Variants in CEP192 observed in about 807,000 individuals in gnomAD.
CEP192 encodes centrosomal protein 192.
Under a neutral mutation model 271.8 loss-of-function variants are expected in CEP192, and 151 were observed. That is an observed-to-expected ratio of 0.56 (90% CI 0.49 to 0.64). CEP192 has a LOEUF of 0.64. CEP192 is among the 30% of genes least tolerant of loss of function. The probability of loss-of-function intolerance (pLI) is 0.00; values close to 1 mark genes in which losing one functional copy is unlikely to be tolerated. For synonymous variants in CEP192, 995 were observed against 1,076.5 expected, an observed-to-expected ratio of 0.92 and a Z score of 1.48; for missense variants, 2,910 against 3,020.5, an observed-to-expected ratio of 0.96 and a Z score of 0.86.
intron 18 of CEP192, 100 bp downstream of exon 18, chr18:13,053,190 GTGT>G: frequency 1.1e-6 from 1 of 949,542 alleles, no homozygotes. Flanking sequence ...TATAACTTCA[GTGT>G]TGCTCTTTTA....
intron 3 of CEP192, among the ~76,000 whole-genome samples, chr18:13,004,608 A>G (rs1006474562): frequency 1.7e-4 from 26 of 152,294 alleles, no homozygotes; most frequent in African/African-American, 5.8e-4. Context: ...TAGGAAGCAT[A>G]GTCATCAAGT....
intron 44 of CEP192, among the ~76,000 whole-genome samples, chr18:13,121,935 T>G (rs1282851084): frequency 6.6e-6 from 1 of 152,274 alleles, no homozygotes; most frequent in Non-Finnish European, 1.5e-5. Flanking sequence ...TCTTTGATAA[T>G]GGTGGTACCT....
chr18:13,107,783 C>T (rs2040022697), intron 40 of CEP192, among the ~76,000 whole-genome samples: 1 of 150,956 alleles, frequency 6.6e-6, no homozygotes, highest in Admixed American at 6.6e-5. Flanking sequence ...ATGGAGCAAA[C>T]AGCACTGTGA....
intron 15 of CEP192, among the ~76,000 whole-genome samples, chr18:13,047,066 G>C (rs2036524160): frequency 6.6e-6 from 1 of 151,864 alleles, no homozygotes; most frequent in African/African-American, 2.4e-5. Context: ...GATGTGGTTG[G>C]GTAGCTTTTG....
At chr18:13,019,851 A>T (rs2034883394) in intron 9 of CEP192, among the ~76,000 whole-genome samples, 1 of 150,626 alleles carries the variant, frequency 6.6e-6, no homozygotes, top group Non-Finnish European at 1.5e-5. Context: ...AGACAGTCTC[A>T]CTCTGTCACC....
At chr18:13,047,724 T>G (rs1191809880) in intron 15 of CEP192, among the ~76,000 whole-genome samples, 1 of 152,194 alleles carries the variant, frequency 6.6e-6, no homozygotes, top group Non-Finnish European at 1.5e-5. Context: ...GTTAAATAGT[T>G]TATGTTTCTT....
chr18:13,088,105 G>T (rs1021049940), intron 32 of CEP192, among the ~76,000 whole-genome samples: 3 of 152,170 alleles, frequency 2.0e-5, no homozygotes, highest in Non-Finnish European at 2.9e-5. Flanking sequence ...AAATGTGTAA[G>T]ATGTTTAACT....
chr18:13,109,380 C>A (rs1340740414), intron 40 of CEP192, among the ~76,000 whole-genome samples: 1 of 152,088 alleles, frequency 6.6e-6, no homozygotes, highest in Non-Finnish European at 1.5e-5. Context: ...GCAATAGAAA[C>A]TGGGGACTAC....
intron 21 of CEP192, among the ~76,000 whole-genome samples, chr18:13,065,137 T>C (rs541604344): frequency 6.6e-6 from 1 of 152,094 alleles, no homozygotes; most frequent in Non-Finnish European, 1.5e-5. Context: ...TTGTATTCTG[T>C]AATTTTACTG....
At chr18:13,016,309 G>C (rs1015261254) in intron 6 of CEP192, among the ~76,000 whole-genome samples, 6 of 152,180 alleles carry the variant, frequency 3.9e-5, no homozygotes, top group Non-Finnish European at 7.3e-5. Context: ...AGGCCCTGCT[G>C]TAAGCACGTG....
intron 34 of CEP192, among the ~76,000 whole-genome samples, chr18:13,093,489 T>C (rs2039248208): frequency 6.6e-6 from 1 of 152,220 alleles, no homozygotes; most frequent in Admixed American, 6.5e-5. Flanking sequence ...GTTCAATTAT[T>C]GTATCAGATC....
chr18:13,029,876 A>G lies in CEP192; in HGVS notation c.1264A>G (p.Asn422Asp). ...TETPTVSIQE[N>D]VDVASLKPIS... is the part of the protein sequence containing the mutation. ...GACTCCTACGGTGTCCATTCAAGAA[A>G]ATGTGGATGTAGCCTCTTTGAAGCC... The change falls in exon 10 of 45, where the codon AAT (asparagine) becomes GAT (aspartate). Residue 422 changes from asparagine to aspartate, a missense_variant. By Grantham distance (23) the Asn-to-Asp change is conservative. Transcript: ENST00000506447. 6.4e-7 allele frequency: 1 copy of G among 1,551,712 alleles called. No homozygotes were observed. Among genetic ancestry groups the G allele is most frequent in the Non-Finnish European group, 8.7e-7 (1 of 1,146,970 alleles).
At chr18:12,992,064 A>G (rs908554630) in intron 1 of CEP192, among the ~76,000 whole-genome samples, 19 of 152,162 alleles carry the variant, frequency 1.2e-4, no homozygotes, top group Admixed American at 1.0e-3. Context: ...AATACACTCT[A>G]CTTTTACTTT....
At chr18:13,023,060 A>G (rs570124438) in intron 9 of CEP192, among the ~76,000 whole-genome samples, 78 of 152,310 alleles carry the variant, frequency 5.1e-4, no homozygotes, top group Non-Finnish European at 1.6e-4. Context: ...TATTAGTTCC[A>G]GGAATTTTTT....
chr18:13,016,127 G>C (rs1393274221), intron 6 of CEP192, among the ~76,000 whole-genome samples: 3 of 152,172 alleles, frequency 2.0e-5, no homozygotes, highest in African/African-American at 7.2e-5. Context: ...TGTCAGATTG[G>C]TTTTCATAAA....
chr18:13,012,862 G>C (rs2034441690), intron 4 of CEP192, 111 bp from the exon 5 acceptor site: 2 of 614,314 alleles, frequency 3.3e-6, no homozygotes, highest in South Asian at 4.6e-5. Flanking sequence ...ATTTAAAAGT[G>C]CTTTTATTCT....
intron 6 of CEP192, among the ~76,000 whole-genome samples, chr18:13,016,930 G>T (rs2034681005): frequency 6.6e-6 from 1 of 152,034 alleles, no homozygotes; most frequent in Non-Finnish European, 1.5e-5. Context: ...CACATTTATT[G>T]TATCCTGACT....
intron 36 of CEP192, among the ~76,000 whole-genome samples, chr18:13,096,880 C>T (rs991836295): frequency 6.6e-6 from 1 of 152,222 alleles, no homozygotes; most frequent in African/African-American, 2.4e-5. Context: ...CCTCTGTCCA[C>T]AGCCTGGTTG....
At chr18:13,015,230 TG>T in intron 5 of CEP192, 97 bp from the exon 6 acceptor site, 1 of 1,077,784 alleles carries the variant, frequency 9.3e-7, no homozygotes, top group Non-Finnish European at 1.3e-6. Flanking sequence ...CTGAACACAG[TG>T]GAGGTTGAGA....
Sources: allele counts gnomAD v4.1 joint callset (sites outside exome capture counted in the v4.1 genomes callset), GRCh38; gene constraint gnomAD v4.1.1; transcripts MANE v1.5; gene names NCBI Gene and HGNC (gene_info 2026-07-23, HGNC 2026-07-21).